The following PRSS16 variants were observed in gnomAD, a reference collection of about 807,000 sequenced individuals.
PRSS16 encodes serine protease 16.
In PRSS16, 43 loss-of-function variants were observed where a neutral mutation model predicts 61.7. The observed-to-expected ratio is 0.70, with a 90% CI of 0.55 to 0.90. The LOEUF is 0.90. PRSS16 is among the 40% of genes least tolerant of loss of function. The probability of loss-of-function intolerance (pLI) is 0.00; values close to 1 mark genes in which losing one functional copy is unlikely to be tolerated. For synonymous variants in PRSS16, 273 were observed against 285.2 expected (o/e 0.96, Z 0.43); for missense variants, 591 against 659.1 (o/e 0.90, Z 1.13).
In PRSS16 at chr6:27,251,852, C is replaced by T; in HGVS notation, c.820C>T (p.Pro274Ser). 6.2e-7 allele frequency: 1 copy of T among 1,612,540 alleles called. No homozygotes were observed. Among genetic ancestry groups the T allele is most frequent in the Non-Finnish European group, 8.5e-7 (1 of 1,179,694 alleles). Reference sequence around the variant, plus strand: ...GCGGACGGAGCTGAGCGCTTGCGGGCCCCTGGGCCGCGCTGAAAACCAGGC... The same window carrying T: ...GCGGACGGAGCTGAGCGCTTGCGGGTCCCTGGGCCGCGCTGAAAACCAGGC... ...ALRTELSACG[P>S]LGRAENQAEL... The change falls in exon 8 of 12, where the codon CCC becomes TCC. Residue 274 changes from proline to serine, a missense_variant. Physicochemically the swap from Pro to Ser is moderately conservative, Grantham distance 74 (BLOSUM62 -1). Transcript: ENST00000230582. The surrounding 1 kb of genome is among the most constrained non-coding windows in gnomAD (Gnocchi z 5.6).
Position 27,252,138 on chromosome 6 carries a change from AC to A in PRSS16, c.1008+99del, listed in dbSNP as rs886911819. On this transcript the variant is annotated intron_variant, in intron 8 of 11. Transcript: ENST00000230582. This position sits in a 1 kb window ranked among gnomAD's most constrained non-coding sequence, Gnocchi z 4.2. ...TGGGCAAGCGAGAACCTTCTCTGAA[AC>A]TTCGTTTTCTCATCTGTAAAATGGG... 1 of 1,349,478 alleles carries A rather than the reference AC, an allele frequency of 7.4e-7. No individual in the cohort carries two copies. The highest frequency in any genetic ancestry group is 1.5e-5 in the African/African-American group (1 of 67,032). 83.6% of individuals were successfully genotyped at this position (1,349,478 alleles called of 1,614,324 possible).
intron 2 of PRSS16, 69 bp downstream of exon 2, chr6:27,248,117 A>C: frequency 6.6e-7 from 1 of 1,511,438 alleles, no homozygotes; most frequent in Middle Eastern, 1.8e-4. Context: ...TCTCTTCCTC[A>C]GTCTGCACTT....
In PRSS16 at chr6:27,251,423, T is replaced by G. The variant is rs1435960643; in HGVS notation, c.717+159T>G. 2.1e-6 allele frequency: 2 copies of G among 975,384 alleles called. No individual in the cohort carries two copies. The highest frequency in any genetic ancestry group is 2.9e-6 in the Non-Finnish European group (2 of 684,864). 60.4% of individuals were successfully genotyped at this position (975,384 alleles called of 1,614,324 possible). ...GCAGGTTTTGGAAGAAGGCGGGAGC[T>G]GACGAAGAGGAGGGGCACCAGGAAA... On this transcript the variant is annotated intron_variant, in intron 7 of 11. Coordinates refer to ENST00000230582, the MANE Select transcript of PRSS16 (RefSeq NM_005865.4). This position sits in a 1 kb window ranked among gnomAD's most constrained non-coding sequence, Gnocchi z 5.6.
rs1760012187 is a variant in PRSS16, at chr6:27,255,475, T to C, written c.*160T>C. On this transcript the variant is annotated 3_prime_UTR_variant, in exon 12 of 12. Transcript: ENST00000230582. This position sits in a 1 kb window ranked among gnomAD's most constrained non-coding sequence, Gnocchi z 4.4. ...TGGCATGTGTCTGCAAACATCCTTATTCCCAACTTAAAGTGCTTTATTGCA... is the reference window on the plus strand; with the variant it reads ...TGGCATGTGTCTGCAAACATCCTTACTCCCAACTTAAAGTGCTTTATTGCA... 1 of 681,110 alleles carries C rather than the reference T, an allele frequency of 1.5e-6. No individual in the cohort carries two copies. Among genetic ancestry groups the C allele is most frequent in the Non-Finnish European group, 2.5e-6 (1 of 405,904 alleles). 42.2% of individuals were successfully genotyped at this position (681,110 alleles called of 1,614,324 possible). A position where few individuals can be genotyped will look rare whatever the true frequency, so the allele number is the denominator to read the frequency against.
chr6:27,250,913 G>A, intron 5 of PRSS16, 107 bp downstream of exon 5: 1 of 1,551,706 alleles, frequency 6.4e-7, no homozygotes, highest in Non-Finnish European at 8.7e-7. Context: ...TTCCTCCCGC[G>A]CCCAAAGAAT....
At position 27,251,004 on chromosome 6, in the gene PRSS16, C is replaced by A; in HGVS notation, c.592-38C>A. 1 of 1,608,032 alleles carries A rather than the reference C, an allele frequency of 6.2e-7. No homozygotes were observed. The highest frequency in any genetic ancestry group is 8.5e-7 in the Non-Finnish European group (1 of 1,176,394). ...GAGGCAGAAAGATATGCGATTCCAA[C>A]CCCTCAGCCCGCAGGCTGACGGCGT... On this transcript the variant is annotated intron_variant, in intron 5 of 11. Coordinates refer to ENST00000230582, the MANE Select transcript of PRSS16 (RefSeq NM_005865.4). This position sits in a 1 kb window ranked among gnomAD's most constrained non-coding sequence, Gnocchi z 5.6.
At chr6:27,250,294 C>T (rs1759848574) in intron 4 of PRSS16, among the ~76,000 whole-genome samples, 1 of 152,228 alleles carries the variant, frequency 6.6e-6, no homozygotes, top group Non-Finnish European at 1.5e-5. Flanking sequence ...TCTGTTCTCT[C>T]TCCCAATACC....
At position 27,251,696 on chromosome 6, in the gene PRSS16, G is replaced by T. The variant is rs1255040444; in HGVS notation, c.718-54G>T. 12 of 1,545,952 alleles carry T rather than the reference G, an allele frequency of 7.8e-6. No homozygotes were observed. Among genetic ancestry groups the T allele is most frequent in the Non-Finnish European group, 1.0e-5 (12 of 1,158,696 alleles). On this transcript the variant is annotated intron_variant, in intron 7 of 11. Coordinates refer to ENST00000230582, the MANE Select transcript of PRSS16 (RefSeq NM_005865.4). The surrounding 1 kb of genome is among the most constrained non-coding windows in gnomAD (Gnocchi z 5.6). ...AAGGAGGACGCAGGTCCTGGGTAGG[G>T]AAAGCCGAGGCCCAGCCTAAGTCTT...
Position 27,251,387 on chromosome 6 carries a change from C to T in PRSS16, c.717+123C>T. ...GCGGGGTCTAAGGAAGGTCGGAGCT[C>T]GGGGGAATACGCAGGTTTTGGAAGA... On this transcript the variant is annotated intron_variant, in intron 7 of 11. Transcript: ENST00000230582. This position sits in a 1 kb window ranked among gnomAD's most constrained non-coding sequence, Gnocchi z 5.6. 1 of 1,229,724 alleles carries T rather than the reference C, an allele frequency of 8.1e-7. No individual in the cohort carries two copies. Among genetic ancestry groups the T allele is most frequent in the Non-Finnish European group, 1.1e-6 (1 of 906,254 alleles). 76.2% of individuals were successfully genotyped at this position (1,229,724 alleles called of 1,614,324 possible).
chr6:27,247,846 G>A (rs5030963), intron 1 of PRSS16, 36 bp from the exon 2 acceptor site: 83,620 of 1,613,070 alleles, frequency 0.052, 2,663 homozygotes, highest in African/African-American at 0.11. Context: ...CATCCTAAGG[G>A]GGCCAGCCTG....
Position 27,254,891 on chromosome 6 carries a change from C to G in PRSS16, c.1330+19C>G, listed in dbSNP as rs774586633. The G allele has an allele frequency of 6.2e-7, 1 of 1,613,006 alleles. No homozygotes were observed. Among genetic ancestry groups the G allele is most frequent in the South Asian group, 1.1e-5 (1 of 91,002 alleles). On this transcript the variant is annotated intron_variant, in intron 10 of 11. Coordinates refer to ENST00000230582, the MANE Select transcript of PRSS16 (RefSeq NM_005865.4). ...GTTAATGGTGAGCATGCTATCAAAA[C>G]CTGGCTGCTAAGCCTCCACCTAGCC...
chr6:27,251,601 G>A lies in PRSS16; in HGVS notation c.718-149G>A. 9.7e-7 allele frequency: 1 copy of A among 1,027,390 alleles called. No individual in the cohort carries two copies. The highest frequency in any genetic ancestry group is 1.3e-6 in the Non-Finnish European group (1 of 742,978). 63.6% of individuals were successfully genotyped at this position (1,027,390 alleles called of 1,614,324 possible). A position where few individuals can be genotyped will look rare whatever the true frequency, so the allele number is the denominator to read the frequency against. ...GGCAGGGGATTGGGGGCGGGGGCCTGGGGGCGGGGGCCTGGGCCAAGAGCT... is the reference window on the plus strand; with the variant it reads ...GGCAGGGGATTGGGGGCGGGGGCCTAGGGGCGGGGGCCTGGGCCAAGAGCT... On this transcript the variant is annotated intron_variant, in intron 7 of 11. Coordinates refer to ENST00000230582, the MANE Select transcript of PRSS16 (RefSeq NM_005865.4). This position sits in a 1 kb window ranked among gnomAD's most constrained non-coding sequence, Gnocchi z 5.6.
In PRSS16 at chr6:27,251,501, G is replaced by C; in HGVS notation, c.717+237G>C. 1 of 730,050 alleles carries C rather than the reference G, an allele frequency of 1.4e-6. No individual in the cohort carries two copies. The highest frequency in any genetic ancestry group is 2.0e-5 in the South Asian group (1 of 49,172). The allele number at this position is 730,050 out of a possible 1,614,324, so 45.2% of individuals were successfully genotyped here. On this transcript the variant is annotated intron_variant, in intron 7 of 11. Coordinates refer to ENST00000230582, the MANE Select transcript of PRSS16 (RefSeq NM_005865.4). This position sits in a 1 kb window ranked among gnomAD's most constrained non-coding sequence, Gnocchi z 5.6. The stretch of plus-strand genomic sequence containing the variant: ...TTGGGCAGGGACAATCCTATCCGGA[G>C]GTGAGGCTCAAGGTGGGGCGGGGCC...
rs754167553 is a variant in PRSS16 at position 27,251,005 on chromosome 6, C to A, written c.592-37C>A. On this transcript the variant is annotated intron_variant, in intron 5 of 11. Coordinates refer to ENST00000230582, the MANE Select transcript of PRSS16 (RefSeq NM_005865.4). This position sits in a 1 kb window ranked among gnomAD's most constrained non-coding sequence, Gnocchi z 5.6. ...AGGCAGAAAGATATGCGATTCCAAC[C>A]CCTCAGCCCGCAGGCTGACGGCGTC... The A allele has an allele frequency of 2.5e-6, 4 of 1,610,162 alleles. No individual in the cohort carries two copies. The highest frequency in any genetic ancestry group is 2.7e-5 in the African/African-American group (2 of 74,886).
In PRSS16 at chr6:27,255,105, T is replaced by A; in HGVS notation, c.1450T>A (p.Ser484Thr). ...CATGGCACCTGAGAGGCCCTCAGACTCCCCCAGCCTCCGCCTAGGGCGCCA... is the reference window on the plus strand; with the variant it reads ...CATGGCACCTGAGAGGCCCTCAGACACCCCCAGCCTCCGCCTAGGGCGCCA... ...LDMAPERPSDSPSLRLGRQNI... is the reference protein window; with the variant it reads ...LDMAPERPSDTPSLRLGRQNI... Residue 484 changes from serine to threonine, a missense_variant, in exon 11 of 12, where the codon TCC becomes ACC. Physicochemically the swap from Ser to Thr is moderately conservative, Grantham distance 58 (BLOSUM62 1). Transcript: ENST00000230582. The surrounding 1 kb of genome is among the most constrained non-coding windows in gnomAD (Gnocchi z 4.4). 6.2e-7 allele frequency: 1 copy of A among 1,614,018 alleles called. No homozygotes were observed. The highest frequency in any genetic ancestry group is 1.7e-5 in the Admixed American group (1 of 60,012).
rs995394145 is a variant in PRSS16 at position 27,252,121 on chromosome 6, C to T, written c.1008+81C>T. Reference sequence around the variant, plus strand: ...CTTCCGTTGTGTGATCTTGGGCAAGCGAGAACCTTCTCTGAAACTTCGTTT... The same window carrying T: ...CTTCCGTTGTGTGATCTTGGGCAAGTGAGAACCTTCTCTGAAACTTCGTTT... On this transcript the variant is annotated intron_variant, in intron 8 of 11. Coordinates refer to ENST00000230582, the MANE Select transcript of PRSS16 (RefSeq NM_005865.4). The surrounding 1 kb of genome is among the most constrained non-coding windows in gnomAD (Gnocchi z 4.2). The T allele has an allele frequency of 8.6e-6, 12 of 1,387,868 alleles. No individual in the cohort carries two copies. The highest frequency in any genetic ancestry group is 1.1e-5 in the Non-Finnish European group (12 of 1,063,816). 86.0% of individuals were successfully genotyped at this position (1,387,868 alleles called of 1,614,324 possible).
In PRSS16 at chr6:27,250,741, T is replaced by C. The variant is rs1158621282; in HGVS notation, c.526T>C (p.Ser176Pro). The change falls in exon 5 of 12, where the codon TCC becomes CCC. Residue 176 changes from serine (S) to proline (P), a missense_variant. Coordinates refer to ENST00000230582, the MANE Select transcript of PRSS16 (RefSeq NM_005865.4). Reference sequence around the variant, plus strand: ...TTCCCGCCTCTTTAACATCTCCTCCTCCAGCCCCTGGATCTGCTTCGGAGG... The same window carrying C: ...TTCCCGCCTCTTTAACATCTCCTCCCCCAGCCCCTGGATCTGCTTCGGAGG... The part of the protein sequence containing the change: ...ALSRLFNISS[S>P]SPWICFGGSY... 2 of 1,613,588 alleles carry C rather than the reference T, an allele frequency of 1.2e-6. No homozygotes were observed. The highest frequency in any genetic ancestry group is 2.7e-5 in the African/African-American group (2 of 74,836).
At position 27,252,290 on chromosome 6, in the gene PRSS16, G is replaced by A; in HGVS notation, c.1008+250G>A. ...GATTATTACCTATTTTGCCTATCCT[G>A]TCCTGTTCTCTTTTGGGGGGCCTGC... On this transcript the variant is annotated intron_variant, in intron 8 of 11. Transcript: ENST00000230582. The surrounding 1 kb of genome is among the most constrained non-coding windows in gnomAD (Gnocchi z 4.2). 3.8e-6 allele frequency: 2 copies of A among 519,494 alleles called. No individual in the cohort carries two copies. The allele number at this position is 519,494 out of a possible 1,614,324, so 32.2% of individuals were successfully genotyped here.
In PRSS16 at chr6:27,250,732, A is replaced by T. The variant is rs751659570; in HGVS notation, c.517A>T (p.Ile173Phe). The change falls in exon 5 of 12, where the codon ATC becomes TTC. Residue 173 changes from isoleucine to phenylalanine, a missense_variant. Coordinates refer to ENST00000230582, the MANE Select transcript of PRSS16 (RefSeq NM_005865.4). ...CCTGGCACTTTCCCGCCTCTTTAAC[A>T]TCTCCTCCTCCAGCCCCTGGATCTG... ...ARLALSRLFN[I>F]SSSSPWICFG... 1 of 1,613,548 alleles carries T rather than the reference A, an allele frequency of 6.2e-7. No individual in the cohort carries two copies. The highest frequency in any genetic ancestry group is 1.1e-5 in the South Asian group (1 of 91,024).
Sources: allele counts gnomAD v4.1 joint callset (sites outside exome capture counted in the v4.1 genomes callset), GRCh38; gene constraint gnomAD v4.1.1; non-coding constraint Gnocchi (gnomAD v3.1); transcripts MANE v1.5; gene names NCBI Gene and HGNC (gene_info 2026-07-23, HGNC 2026-07-21).